The following LARP4 variants were observed in gnomAD, a reference collection of about 807,000 sequenced individuals.
LARP4 encodes the protein La ribonucleoprotein 4.
Under a neutral mutation model 92.9 loss-of-function variants are expected in LARP4, and 29 were observed. The observed-to-expected ratio is 0.31, with a 90% CI of 0.23 to 0.43. The LOEUF is 0.43. LARP4 is among the 20% of genes least tolerant of loss of function. The pLI is 1.00. For synonymous variants in LARP4, 279 were observed against 284.1 expected (o/e 0.98, Z 0.18); for missense variants, 732 against 860.0 (o/e 0.85, Z 1.86).
At chr12:50,443,431 T>C (rs1951542181) in intron 8 of LARP4, among the ~76,000 whole-genome samples, 1 of 151,902 alleles carries the variant, frequency 6.6e-6, no homozygotes, top group South Asian at 2.1e-4. Flanking sequence ...CCATCATGCC[T>C]GGCTAATTTT....
chr12:50,422,310 T>A (rs1439273877), intron 1 of LARP4, among the ~76,000 whole-genome samples: 2 of 152,330 alleles, frequency 1.3e-5, no homozygotes, highest in African/African-American at 2.4e-5. Context: ...TAAAGCATTC[T>A]ATACAGTGCC....
At chr12:50,429,287 G>A (rs1375155156) in intron 3 of LARP4, among the ~76,000 whole-genome samples, 197 bp downstream of exon 3, 1 of 152,086 alleles carries the variant, frequency 6.6e-6, no homozygotes, top group Non-Finnish European at 1.5e-5. Context: ...TTGTTTATGA[G>A]GGTTCTATTA....
chr12:50,432,507 C>CT (rs565784717), intron 4 of LARP4, among the ~76,000 whole-genome samples: 118 of 152,238 alleles, frequency 7.8e-4, no homozygotes, highest in Non-Finnish European at 1.5e-3. Flanking sequence ...ATTTAGATCT[C>CT]TAATACAGAG....
intron 1 of LARP4, among the ~76,000 whole-genome samples, chr12:50,402,086 A>G (rs905813313): frequency 6.6e-6 from 1 of 152,172 alleles, no homozygotes; most frequent in South Asian, 2.1e-4. Flanking sequence ...TACGGGTTGT[A>G]TAATGAATCT....
chr12:50,441,424 G>C, intron 7 of LARP4, 166 bp from the exon 8 acceptor site: 1 of 478,082 alleles, frequency 2.1e-6, no homozygotes, highest in Non-Finnish European at 3.7e-6. Flanking sequence ...AACTGTGATT[G>C]AGAAGGCGTT....
chr12:50,446,003 C>CTTTTTTTTTTTTTT (rs71441367), intron 8 of LARP4, among the ~76,000 whole-genome samples: 2 of 126,942 alleles, frequency 1.6e-5, no homozygotes, highest in Non-Finnish European at 3.3e-5. Flanking sequence ...TTTCTTTTTT[C>CTTTTTTTTTTTTTT]TTTTTTTTTT....
chr12:50,429,533 G>A (rs188365523), intron 3 of LARP4, among the ~76,000 whole-genome samples: 2 of 152,176 alleles, frequency 1.3e-5, no homozygotes, highest in Non-Finnish European at 2.9e-5. Flanking sequence ...GTGACAGAGT[G>A]AAACTGTGTC....
chr12:50,452,192 G>T (rs1953331599), intron 8 of LARP4, among the ~76,000 whole-genome samples: 1 of 152,062 alleles, frequency 6.6e-6, no homozygotes, highest in South Asian at 2.1e-4. Context: ...ATATACATAG[G>T]GTTGTTGGAT....
Position 50,400,993 on chromosome 12 carries a change from G to C in LARP4, c.-18G>C. Reference sequence around the variant, plus strand: ...GGAGTTGCGGCGGCGGGAACGATTGGGCTGAGCAGAGGACGACATGTTGCT... The same window carrying C: ...GGAGTTGCGGCGGCGGGAACGATTGCGCTGAGCAGAGGACGACATGTTGCT... On this transcript the variant is annotated 5_prime_UTR_variant, in exon 1 of 16. Coordinates refer to ENST00000398473, the MANE Select transcript of LARP4 (RefSeq NM_052879.5). 1 of 1,614,142 alleles carries C rather than the reference G, an allele frequency of 6.2e-7. No individual in the cohort carries two copies. Among genetic ancestry groups the C allele is most frequent in the Non-Finnish European group, 8.5e-7 (1 of 1,180,022 alleles).
chr12:50,452,428 C>T (rs369650999), intron 8 of LARP4, among the ~76,000 whole-genome samples: 4 of 152,014 alleles, frequency 2.6e-5, no homozygotes, highest in African/African-American at 9.7e-5. Context: ...GTGCTTTGCC[C>T]GCCTCAACCT....
intron 1 of LARP4, among the ~76,000 whole-genome samples, chr12:50,401,812 C>T (rs544912135): frequency 6.6e-6 from 1 of 152,330 alleles, no homozygotes; most frequent in East Asian, 1.9e-4. Context: ...ATTACTTAAA[C>T]TAGAACGTCT....
chr12:50,447,111 C>G (rs1952333382), intron 8 of LARP4, among the ~76,000 whole-genome samples: 1 of 152,136 alleles, frequency 6.6e-6, no homozygotes, highest in African/African-American at 2.4e-5. Context: ...TTGAGCATCC[C>G]AAATCCTAAA....
chr12:50,430,686 G>C, intron 4 of LARP4, 116 bp downstream of exon 4: 2 of 596,634 alleles, frequency 3.4e-6, no homozygotes, highest in Non-Finnish European at 2.9e-6. Context: ...TCTTGAGACA[G>C]AGTCTCATGT....
chr12:50,455,679 C>T (rs1055818975), intron 10 of LARP4, among the ~76,000 whole-genome samples: 1 of 152,136 alleles, frequency 6.6e-6, no homozygotes, highest in African/African-American at 2.4e-5. Flanking sequence ...ATATTCTTCT[C>T]ACTGGAAACA....
At position 50,476,075 on chromosome 12, in the gene LARP4, A is replaced by AT; in HGVS notation, c.*211_*212insT. The AT allele has an allele frequency of 3.5e-6, 1 of 287,802 alleles. No homozygotes were observed. Among genetic ancestry groups the AT allele is most frequent in the Non-Finnish European group, 6.6e-6 (1 of 151,738 alleles). 17.8% of individuals were successfully genotyped at this position (287,802 alleles called of 1,614,324 possible). A position where few individuals can be genotyped will look rare whatever the true frequency, so the allele number is the denominator to read the frequency against. ...ATGCTGGAGGATTCCAATCAATATA[A>AT]ATATATATATATATATACACACACA... On this transcript the variant is annotated 3_prime_UTR_variant, in exon 16 of 16. Transcript: ENST00000398473.
chr12:50,469,279 T>C (rs1048737790), intron 13 of LARP4, among the ~76,000 whole-genome samples: 6 of 152,084 alleles, frequency 3.9e-5, no homozygotes, highest in African/African-American at 1.4e-4. Flanking sequence ...CCATGTTTTA[T>C]CACCTTCAAA....
intron 10 of LARP4, among the ~76,000 whole-genome samples, chr12:50,459,833 A>G (rs1337606062): frequency 1.5e-4 from 13 of 87,894 alleles, no homozygotes; most frequent in African/African-American, 3.6e-4. Context: ...AAAAAAAAAA[A>G]AAAAAAAAAA....
At position 50,475,802 on chromosome 12, in the gene LARP4, C is replaced by T. The variant is rs1957484331; in HGVS notation, c.2113C>T (p.Pro705Ser). Residue 705 changes from proline (P) to serine (S), a missense_variant, in exon 16 of 16, where the codon CCT (proline) becomes TCT (serine). Around this residue, in one of 7 missense-constraint regions of LARP4, gnomAD observed 115 missense variants for 129.1 expected, o/e 0.89. Coordinates refer to ENST00000398473, the MANE Select transcript of LARP4 (RefSeq NM_052879.5). ...QRRQFSHRAI[P>S]QGVTRRNGKE... is the part of the protein sequence containing the mutation. ...ACGCCAGTTTAGCCATAGGGCTATA[C>T]CTCAGGGAGTGACTCGACGTAATGG... 3 of 1,614,172 alleles carry T rather than the reference C, an allele frequency of 1.9e-6. No individual in the cohort carries two copies. Among genetic ancestry groups the T allele is most frequent in the Non-Finnish European group, 1.7e-6 (2 of 1,180,032 alleles).
chr12:50,476,041 G>A lies in LARP4; in HGVS notation c.*177G>A, dbSNP rs949202285. 5 of 480,780 alleles carry A rather than the reference G, an allele frequency of 1.0e-5. No individual in the cohort carries two copies. Among genetic ancestry groups the A allele is most frequent in the African/African-American group, 9.6e-5 (5 of 51,838 alleles). The allele number at this position is 480,780 out of a possible 1,614,324, so 29.8% of individuals were successfully genotyped here. ...GGATCCCAAAATTCATCTCTAATGT[G>A]GTTTTTAAATGCTGGAGGATTCCAA... On this transcript the variant is annotated 3_prime_UTR_variant, in exon 16 of 16. Transcript: ENST00000398473.
Sources: allele counts gnomAD v4.1 joint callset (sites outside exome capture counted in the v4.1 genomes callset), GRCh38; gene constraint gnomAD v4.1.1; regional missense constraint gnomAD v4.1.1; transcripts MANE v1.5; gene names NCBI Gene and HGNC (gene_info 2026-07-23, HGNC 2026-07-21).